The following CACNA1B variants were observed in gnomAD, a reference collection of about 807,000 sequenced individuals.
CACNA1B encodes the protein voltage-dependent N-type calcium channel subunit alpha-1B.
Under a neutral mutation model 247.2 loss-of-function variants are expected in CACNA1B, and 70 were observed. The observed-to-expected ratio is 0.28, with a 90% CI of 0.23 to 0.35. CACNA1B has a LOEUF of 0.35. CACNA1B is among the 10% of genes least tolerant of loss of function. The pLI, the probability that CACNA1B is intolerant of heterozygous loss-of-function variation, is 1.00. For synonymous variants in CACNA1B, 1,231 were observed against 1,294.4 expected, an observed-to-expected ratio of 0.95 and a Z score of 1.05; for missense variants, 2,367 against 3,197.4, an observed-to-expected ratio of 0.74 and a Z score of 6.26.
chr9:138,066,688 CAG>C (rs780241655), intron 31 of CACNA1B, among the ~76,000 whole-genome samples: 10 of 152,112 alleles, frequency 6.6e-5, no homozygotes, highest in East Asian at 1.9e-4. Flanking sequence ...ATATAAATAA[CAG>C]AAAAACAATG....
intron 12 of CACNA1B, among the ~76,000 whole-genome samples, chr9:137,978,583 G>A (rs376160320): frequency 7.9e-5 from 12 of 152,202 alleles, no homozygotes; most frequent in East Asian, 5.8e-4. Context: ...TTTGGAGCTC[G>A]GCAGAGTTTA....
Position 137,986,720 on chromosome 9 carries a change from C to A in CACNA1B, c.1902-62C>A. The A allele has an allele frequency of 6.9e-7, 1 of 1,442,576 alleles. No individual in the cohort carries two copies. The highest frequency in any genetic ancestry group is 9.8e-7 in the Non-Finnish European group (1 of 1,024,246). 89.4% of individuals were successfully genotyped at this position (1,442,576 alleles called of 1,614,324 possible). On this transcript the variant is annotated intron_variant, in intron 14 of 46. Coordinates refer to ENST00000371372, the MANE Select transcript of CACNA1B (RefSeq NM_000718.4). This position sits in a 1 kb window ranked among gnomAD's most constrained non-coding sequence, Gnocchi z 6.0. ...GAGCAGGTTGAGGCCACGCTGGAGC[C>A]TGCAGGCGCTGCCTCGCTGCTGACG...
intron 3 of CACNA1B, among the ~76,000 whole-genome samples, chr9:137,903,347 C>T (rs1293469174): frequency 6.6e-6 from 1 of 152,194 alleles, no homozygotes; most frequent in African/African-American, 2.4e-5. Context: ...GATTGAGCCA[C>T]TGCACTCCAG....
At chr9:137,958,723 G>T (rs564126744) in intron 10 of CACNA1B, among the ~76,000 whole-genome samples, 7 of 152,306 alleles carry the variant, frequency 4.6e-5, no homozygotes, top group African/African-American at 1.2e-4. Context: ...GTACTGTTCA[G>T]AGTTCTGTGC....
rs1475872251 is a variant in CACNA1B at position 138,122,824 on chromosome 9, AC to A, written c.*827del. The A allele has an allele frequency of 3.9e-5, 6 of 152,250 alleles. No homozygotes were observed. Among genetic ancestry groups the A allele is most frequent in the Non-Finnish European group, 5.9e-5 (4 of 68,054 alleles). The allele number at this position is 152,250 out of a possible 1,614,324, so 9.4% of individuals were successfully genotyped here. Reference sequence around the variant, plus strand: ...TCTGCTGCTCTTGACCAAGTGCCTGACCGCCAGGCCCTCACACCCAGGCTCC... The same window carrying A: ...TCTGCTGCTCTTGACCAAGTGCCTGACGCCAGGCCCTCACACCCAGGCTCC... On this transcript the variant is annotated 3_prime_UTR_variant, in exon 47 of 47. Coordinates refer to ENST00000371372, the MANE Select transcript of CACNA1B (RefSeq NM_000718.4).
chr9:138,096,062 C>T (rs1337628109), intron 36 of CACNA1B, among the ~76,000 whole-genome samples: 3 of 152,080 alleles, frequency 2.0e-5, no homozygotes, highest in African/African-American at 7.2e-5. Flanking sequence ...ACTAAATGCC[C>T]CTGAACTGTA....
chr9:137,976,514 T>G (rs1281119142), intron 12 of CACNA1B, among the ~76,000 whole-genome samples: 1 of 152,126 alleles, frequency 6.6e-6, no homozygotes, highest in Non-Finnish European at 1.5e-5. Flanking sequence ...CTTATGTAGG[T>G]AGGGAGGCCT....
intron 31 of CACNA1B, among the ~76,000 whole-genome samples, chr9:138,060,698 C>T (rs561811152): frequency 6.6e-6 from 1 of 152,348 alleles, no homozygotes; most frequent in South Asian, 2.1e-4. Context: ...CGTCTGACAC[C>T]ATCAGAGGAG....
intron 20 of CACNA1B, among the ~76,000 whole-genome samples, chr9:138,035,556 G>A (rs1317043352): frequency 6.6e-6 from 1 of 152,066 alleles, no homozygotes; most frequent in African/African-American, 2.4e-5. Flanking sequence ...GGTAGTTGTG[G>A]CCACTTTTAT....
In CACNA1B at chr9:137,891,240, C is replaced by G. The variant is rs1255044776; in HGVS notation, c.530+8357C>G. On this transcript the variant is annotated intron_variant, in intron 3 of 46. Coordinates refer to ENST00000371372, the MANE Select transcript of CACNA1B (RefSeq NM_000718.4). The surrounding 1 kb of genome is among the most constrained non-coding windows in gnomAD (Gnocchi z 4.3). The stretch of plus-strand genomic sequence containing the variant: ...TTCACGCAAAAACCTGTGTTTTCAT[C>G]TTGCTTGGGAGAAGTCCCTGGAGCC... The G allele has an allele frequency of 6.6e-6, 1 of 152,302 alleles. No homozygotes were observed. The highest frequency in any genetic ancestry group is 1.9e-4 in the East Asian group (1 of 5,192). 9.4% of individuals were successfully genotyped at this position (152,302 alleles called of 1,614,324 possible). A position where few individuals can be genotyped will look rare whatever the true frequency, so the allele number is the denominator to read the frequency against.
chr9:137,998,195 G>A (rs1589056849), intron 15 of CACNA1B, among the ~76,000 whole-genome samples: 1 of 152,108 alleles, frequency 6.6e-6, no homozygotes, highest in African/African-American at 2.4e-5. Flanking sequence ...TTCTTAAGCT[G>A]GGTAGTGGGT....
chr9:137,998,539 G>A (rs1359282079), intron 15 of CACNA1B, among the ~76,000 whole-genome samples: 1 of 152,170 alleles, frequency 6.6e-6, no homozygotes, highest in Non-Finnish European at 1.5e-5. Flanking sequence ...CTGAGATCAC[G>A]CCACTGCACT....
rs1000267962 is a variant in CACNA1B at position 138,007,261 on chromosome 9, C to G, written c.2092+377C>G. 1.3e-5 allele frequency among the ~76,000 whole-genome samples: 2 copies of G among 152,202 alleles called. No individual in the cohort carries two copies. The highest frequency in any genetic ancestry group is 4.8e-5 in the African/African-American group (2 of 41,440). ...TGGCACTGGGCTTTAAAAAGGAGCCCTTCCCCCTGCTGATACCATCCCCTT... is the reference window on the plus strand; with the variant it reads ...TGGCACTGGGCTTTAAAAAGGAGCCGTTCCCCCTGCTGATACCATCCCCTT... On this transcript the variant is annotated intron_variant, in intron 16 of 46. Coordinates refer to ENST00000371372, the MANE Select transcript of CACNA1B (RefSeq NM_000718.4). The surrounding 1 kb of genome is among the most constrained non-coding windows in gnomAD (Gnocchi z 4.1).
At chr9:138,009,866 G>A in intron 16 of CACNA1B, 144 bp from the exon 17 acceptor site, 1 of 651,766 alleles carries the variant, frequency 1.5e-6, no homozygotes, top group Non-Finnish European at 2.8e-6. Context: ...GCTGGAGTGT[G>A]TCTGGGGATG....
Position 138,115,614 on chromosome 9 carries a change from G to A in CACNA1B, c.5712G>A (p.Val1904=), listed in dbSNP as rs775763598. 1.9e-6 allele frequency: 3 copies of A among 1,613,708 alleles called. No individual in the cohort carries two copies. In the African/African-American group the frequency reaches 4.0e-5, roughly 22 times the overall value. ...KATLEQTQPA[V]LRGARVFLRQ... ...CCCTGGAGCAGACACAGCCGGCTGT[G>A]CTCCGAGGAGCCCGGGTTTTCCTTC... The change falls in exon 42 of 47, where the codon GTG becomes GTA. Residue 1904 remains valine, a synonymous_variant. Coordinates refer to ENST00000371372, the MANE Select transcript of CACNA1B (RefSeq NM_000718.4).
At chr9:138,107,048 G>A (rs1007338810) in intron 39 of CACNA1B, among the ~76,000 whole-genome samples, 5 of 151,918 alleles carry the variant, frequency 3.3e-5, no homozygotes, top group African/African-American at 7.3e-5. Flanking sequence ...CTTTGGGTGT[G>A]CCTTTGTGCC....
intron 20 of CACNA1B, among the ~76,000 whole-genome samples, chr9:138,038,680 G>T (rs1589084909): frequency 6.6e-6 from 1 of 152,216 alleles, no homozygotes; most frequent in Non-Finnish European, 1.5e-5. Flanking sequence ...GCAGGACCTG[G>T]TCTGAAGTGC....
At position 138,114,113 on chromosome 9, in the gene CACNA1B, T is replaced by C. The variant is rs182851318; in HGVS notation, c.5537-265T>C. Among the ~76,000 whole-genome samples the C allele has an allele frequency of 1.2e-4, 19 of 152,270 alleles. No homozygotes were observed. The East Asian group carries it at 3.5e-3, about 28-fold the overall frequency. ...GGGCCCTGCATTAAGCAGGTGGGGA[T>C]GGCCTCAGCCCGGTCTTGAGAGGCC... On this transcript the variant is annotated intron_variant, in intron 40 of 46. Transcript: ENST00000371372.
In CACNA1B at chr9:138,121,669, T is replaced by C; in HGVS notation, c.6690T>C (p.Arg2230=). The C allele has an allele frequency of 6.2e-7, 1 of 1,613,132 alleles. No homozygotes were observed. The highest frequency in any genetic ancestry group is 8.5e-7 in the Non-Finnish European group (1 of 1,179,494). The change falls in exon 47 of 47, where the codon CGT becomes CGC. Residue 2230 remains arginine (R), a synonymous_variant. Coordinates refer to ENST00000371372, the MANE Select transcript of CACNA1B (RefSeq NM_000718.4). This position sits in a 1 kb window ranked among gnomAD's most constrained non-coding sequence, Gnocchi z 6.8. ...LPAFSPGRLS[R]GLSEHNALLQ... ...CCTTCTCCCCAGGCCGGCTCAGCCGTGGGCTTTCCGAACACAACGCCCTGC... is the reference window on the plus strand; with the variant it reads ...CCTTCTCCCCAGGCCGGCTCAGCCGCGGGCTTTCCGAACACAACGCCCTGC...
Sources: allele counts gnomAD v4.1 joint callset (sites outside exome capture counted in the v4.1 genomes callset), GRCh38; gene constraint gnomAD v4.1.1; non-coding constraint Gnocchi (gnomAD v3.1); transcripts MANE v1.5; gene names NCBI Gene and HGNC (gene_info 2026-07-23, HGNC 2026-07-21).